The following STAT4 variants were observed in gnomAD, a reference collection of about 807,000 sequenced individuals.
STAT4 encodes the protein signal transducer and activator of transcription 4.
STAT4 carries 42 observed loss-of-function variants against 110.5 expected under a neutral mutation model. That is an observed-to-expected ratio of 0.38 (90% CI 0.30 to 0.49). The LOEUF is 0.49. STAT4 is among the 20% of genes least tolerant of loss of function. The probability of loss-of-function intolerance (pLI) is 0.95; values close to 1 mark genes in which losing one functional copy is unlikely to be tolerated. For missense variants in STAT4, 632 were observed against 887.9 expected, an observed-to-expected ratio of 0.71 and a Z score of 3.66; for synonymous variants, 284 against 302.2, an observed-to-expected ratio of 0.94 and a Z score of 0.63.
Position 191,058,866 on chromosome 2 carries a change from T to A in STAT4, c.1035-97A>T, listed in dbSNP as rs1185873475. The A allele has an allele frequency of 5.9e-6, 4 of 682,682 alleles. 1 individual carries two copies. In the East Asian group the frequency reaches 1.1e-4, roughly 20 times the overall value. The allele number at this position is 682,682 out of a possible 1,614,324, so 42.3% of individuals were successfully genotyped here. ...AAACATTTAAATATACTATGAAATATGCATATAAATAAACCTTACATTATC... is the reference window on the plus strand; with the variant it reads ...AAACATTTAAATATACTATGAAATAAGCATATAAATAAACCTTACATTATC... On this transcript the variant is annotated intron_variant, in intron 10 of 23. Transcript: ENST00000392320. This position sits in a 1 kb window ranked among gnomAD's most constrained non-coding sequence, Gnocchi z 4.3.
At chr2:191,074,298 A>G (rs935204339) in intron 4 of STAT4, among the ~76,000 whole-genome samples, 7 of 152,210 alleles carry the variant, frequency 4.6e-5, no homozygotes, top group African/African-American at 1.4e-4. Context: ...TAAAATCCGC[A>G]GCAAATTCAG....
intron 13 of STAT4, among the ~76,000 whole-genome samples, chr2:191,057,476 G>A (rs944545760): frequency 6.6e-6 from 1 of 150,954 alleles, no homozygotes; most frequent in African/African-American, 2.4e-5. Context: ...TGTCTTCATT[G>A]TTTAGAACTC....
In STAT4 at chr2:191,090,292, C is replaced by T. The variant is rs897515311; in HGVS notation, c.274-13967G>A. On this transcript the variant is annotated intron_variant, in intron 3 of 23. Transcript: ENST00000392320. The surrounding 1 kb of genome is among the most constrained non-coding windows in gnomAD (Gnocchi z 4.2). The stretch of plus-strand genomic sequence containing the variant: ...AAAGTTTCAGTTCTCATATGCCCTC[C>T]TTATGCTATTCCTCTCACCAGAAAT... 6.6e-6 allele frequency among the ~76,000 whole-genome samples: 1 copy of T among 152,036 alleles called. No individual in the cohort carries two copies. Among genetic ancestry groups the T allele is most frequent in the African/African-American group, 2.4e-5 (1 of 41,406 alleles).
intron 3 of STAT4, chr2:191,131,677 T>G: frequency 3.3e-6 from 3 of 899,642 alleles, no homozygotes; most frequent in Non-Finnish European, 4.4e-6. Context: ...TGGTAACATC[T>G]GGGTATAAAA....
chr2:191,151,479 C>A, upstream of STAT4: 17 of 985,562 alleles, frequency 1.7e-5, no homozygotes, highest in Non-Finnish European at 2.0e-5. This position sits in a 1 kb window ranked among gnomAD's most constrained non-coding sequence, Gnocchi z 4.7. Flanking sequence ...CAGCGGGGTC[C>A]GCTCACTCCG....
In STAT4 at chr2:191,039,506, G is replaced by A. The variant is rs531690122; in HGVS notation, c.1336-209C>T. Reference sequence around the variant, plus strand: ...GTAAGGGCACAGAGAGGAAAGAGCAGGAATCCTTTCAGAGTGCTCAGTCAG... The same window carrying A: ...GTAAGGGCACAGAGAGGAAAGAGCAAGAATCCTTTCAGAGTGCTCAGTCAG... On this transcript the variant is annotated intron_variant, in intron 15 of 23. Coordinates refer to ENST00000392320, the MANE Select transcript of STAT4 (RefSeq NM_003151.4). This position sits in a 1 kb window ranked among gnomAD's most constrained non-coding sequence, Gnocchi z 4.7. 6.6e-6 allele frequency among the ~76,000 whole-genome samples: 1 copy of A among 152,286 alleles called. No homozygotes were observed. The highest frequency in any genetic ancestry group is 1.5e-5 in the Non-Finnish European group (1 of 68,018).
chr2:191,115,943 A>G (rs1698558118), intron 3 of STAT4, among the ~76,000 whole-genome samples: 1 of 152,250 alleles, frequency 6.6e-6, no homozygotes, highest in Non-Finnish European at 1.5e-5. Context: ...GGCTACTTAC[A>G]GAAGGCCAGA....
chr2:191,129,254 A>G (rs572431178), intron 3 of STAT4, among the ~76,000 whole-genome samples: 18 of 152,200 alleles, frequency 1.2e-4, no homozygotes, highest in African/African-American at 3.4e-4. Context: ...AAAATAAAAA[A>G]TAGTAAATGG....
rs552429008 is a variant in STAT4, at chr2:191,116,268, G to T, written c.273+30345C>A. On this transcript the variant is annotated intron_variant, in intron 3 of 23. Transcript: ENST00000392320. The surrounding 1 kb of genome is among the most constrained non-coding windows in gnomAD (Gnocchi z 4.1). ...TACAGTGCTTTTACACCTATGATAC[G>T]ACACCACCTTCTCTGCAGAATCATA... 4.6e-5 allele frequency among the ~76,000 whole-genome samples: 7 copies of T among 152,228 alleles called. No homozygotes were observed. Among genetic ancestry groups the T allele is most frequent in the Admixed American group, 6.5e-5 (1 of 15,286 alleles).
rs547379150 is a variant in STAT4 at position 191,077,604 on chromosome 2, A to G, written c.274-1279T>C. 1.1e-4 allele frequency among the ~76,000 whole-genome samples: 17 copies of G among 152,324 alleles called. No homozygotes were observed. Among genetic ancestry groups the G allele is most frequent in the African/African-American group, 3.8e-4 (16 of 41,580 alleles). On this transcript the variant is annotated intron_variant, in intron 3 of 23. Coordinates refer to ENST00000392320, the MANE Select transcript of STAT4 (RefSeq NM_003151.4). This position sits in a 1 kb window ranked among gnomAD's most constrained non-coding sequence, Gnocchi z 4.1. Reference sequence around the variant, plus strand: ...AATAAAAAATAGACTATACAGATATAAACTAGAAGATTTTTCTAGAGAAAA... The same window carrying G: ...AATAAAAAATAGACTATACAGATATGAACTAGAAGATTTTTCTAGAGAAAA...
Position 191,033,916 on chromosome 2 carries a change from A to T in STAT4, c.1710T>A (p.Ile570=). The T allele has an allele frequency of 1.1e-5, 18 of 1,604,456 alleles. No homozygotes were observed. The highest frequency in any genetic ancestry group is 1.5e-5 in the Non-Finnish European group (18 of 1,176,162). ...AAATATAGCCTATAACTTACCCATC[A>T]ATCCAAAGGGGAAGAATGTGTTTCT... ...LIKKHILPLW[I]DGYVMGFVSK... The change falls in exon 19 of 24, where the codon ATT becomes ATA. Residue 570 remains isoleucine, a synonymous_variant. Transcript: ENST00000392320. This position sits in a 1 kb window ranked among gnomAD's most constrained non-coding sequence, Gnocchi z 6.9.
chr2:191,069,800 T>C, intron 5 of STAT4, 29 bp from the exon 6 acceptor site: 1 of 1,542,692 alleles, frequency 6.5e-7, no homozygotes, highest in South Asian at 1.2e-5. Context: ...ATACTCACTC[T>C]GCTGTCACAA....
chr2:191,069,837 T>A, intron 5 of STAT4, 66 bp from the exon 6 acceptor site: 21 of 1,326,912 alleles, frequency 1.6e-5, no homozygotes, highest in Non-Finnish European at 2.2e-5. Flanking sequence ...AACAACATCA[T>A]AAGTATTTTA....
rs929459511 is a variant in STAT4, at chr2:191,059,856, A to G, written c.1035-1087T>C. Reference sequence around the variant, plus strand: ...TGGTGGTGAATGGTGAGAAGGGGGCATAGTCACATAAAATCAGGCCAGATG... The same window carrying G: ...TGGTGGTGAATGGTGAGAAGGGGGCGTAGTCACATAAAATCAGGCCAGATG... On this transcript the variant is annotated intron_variant, in intron 10 of 23. Coordinates refer to ENST00000392320, the MANE Select transcript of STAT4 (RefSeq NM_003151.4). The surrounding 1 kb of genome is among the most constrained non-coding windows in gnomAD (Gnocchi z 4.7). Among the ~76,000 whole-genome samples, 2 of 152,198 alleles carry G rather than the reference A, an allele frequency of 1.3e-5. No individual in the cohort carries two copies. The highest frequency in any genetic ancestry group is 1.3e-4 in the Admixed American group (2 of 15,272).
intron 3 of STAT4, among the ~76,000 whole-genome samples, chr2:191,145,556 C>T (rs1236124626): frequency 1.3e-5 from 2 of 152,150 alleles, no homozygotes; most frequent in Admixed American, 6.5e-5. Context: ...CGGCAATATG[C>T]TATTGTCCTG....
rs1468799001 is a variant in STAT4 at position 191,107,549 on chromosome 2, T to C, written c.274-31224A>G. On this transcript the variant is annotated intron_variant, in intron 3 of 23. Transcript: ENST00000392320. This position sits in a 1 kb window ranked among gnomAD's most constrained non-coding sequence, Gnocchi z 4.2. The stretch of plus-strand genomic sequence containing the variant: ...TGTAACTTGCCCAAAATCATGTTGC[T>C]AATAAATCTGAGGCAGGGTTTTAAC... 6.6e-6 allele frequency among the ~76,000 whole-genome samples: 1 copy of C among 152,208 alleles called. No homozygotes were observed. The highest frequency in any genetic ancestry group is 1.5e-5 in the Non-Finnish European group (1 of 68,042).
chr2:191,063,069 A>T (rs1696893490), intron 8 of STAT4, 149 bp from the exon 9 acceptor site: 1 of 711,572 alleles, frequency 1.4e-6, no homozygotes, highest in Admixed American at 4.0e-5. Flanking sequence ...TAGGTTAGAG[A>T]CAGTTTTTAT....
rs1332272764 is a variant in STAT4 at position 191,104,097 on chromosome 2, G to A, written c.274-27772C>T. ...CTGAAGAAATAACCATATAATCCCCGTTTTGTGAAAAAATATATCTATTCA... is the reference window on the plus strand; with the variant it reads ...CTGAAGAAATAACCATATAATCCCCATTTTGTGAAAAAATATATCTATTCA... On this transcript the variant is annotated intron_variant, in intron 3 of 23. Transcript: ENST00000392320. The surrounding 1 kb of genome is among the most constrained non-coding windows in gnomAD (Gnocchi z 4.3). Among the ~76,000 whole-genome samples the A allele has an allele frequency of 3.9e-5, 6 of 151,928 alleles. No homozygotes were observed. The highest frequency in any genetic ancestry group is 1.3e-4 in the Admixed American group (2 of 15,238).
chr2:191,075,517 C>A (rs1487854889), intron 4 of STAT4, among the ~76,000 whole-genome samples: 1 of 152,160 alleles, frequency 6.6e-6, no homozygotes, highest in Non-Finnish European at 1.5e-5. Flanking sequence ...AGCTGTAGAG[C>A]AAGACCAGAA....
Sources: allele counts gnomAD v4.1 joint callset (sites outside exome capture counted in the v4.1 genomes callset), GRCh38; gene constraint gnomAD v4.1.1; non-coding constraint Gnocchi (gnomAD v3.1); transcripts MANE v1.5; gene names NCBI Gene and HGNC (gene_info 2026-07-23, HGNC 2026-07-21).